Variants in RAG1 observed in about 807,000 individuals in gnomAD.
RAG1 encodes the protein recombination activating 1.
A neutral mutation model predicts 62.7 loss-of-function variants in RAG1; 35 were observed. The ratio of observed to expected loss-of-function variants is 0.56; its 90% CI spans 0.43 to 0.74. The LOEUF (loss-of-function observed/expected upper bound fraction) is 0.74, where lower values mean the gene tolerates loss of function less well. Among genes scored for constraint, RAG1 ranks in the 30% least tolerant of loss-of-function variants. The pLI, the probability that RAG1 is intolerant of heterozygous loss-of-function variation, is 0.00. For missense variants in RAG1, 1,169 were observed against 1,278.6 expected (o/e 0.91, Z 1.31); for synonymous variants, 461 against 470.3 (o/e 0.98, Z 0.26).
At chr11:36,540,979 A>G (rs1860408131), downstream of RAG1, among the ~76,000 whole-genome samples, 1 of 152,188 alleles carries the variant, frequency 6.6e-6, no homozygotes, top group South Asian at 2.1e-4. Context: ...AGGTGTGAGA[A>G]AAGAGGGATT....
chr11:36,510,617 C>T (rs777654552), upstream of RAG1: 1 of 152,268 alleles, frequency 6.6e-6, no homozygotes, highest in Admixed American at 6.5e-5. Flanking sequence ...CCCAGCTGGG[C>T]TAGATCGCTT....
rs5030491 is a variant in RAG1, at chr11:36,511,382, C to T, written n.330+344C>T. 9.4e-3 allele frequency among the ~76,000 whole-genome samples: 1,424 copies of T among 152,242 alleles called. 16 individuals are homozygous for T. Among genetic ancestry groups the T allele is most frequent in the Non-Finnish European group, 0.014 (920 of 68,000 alleles). ...GGTGGGAGGATGGCTTGAGCCCTGG[C>T]AGTCAAGGCTACAGTAAGCCATGAT... On this transcript the variant is annotated intron_variant and non_coding_transcript_variant, in intron 1 of 2. Coordinates refer to the RAG1 transcript ENST00000529126.
rs746944981 is a variant in RAG1 at position 36,574,550 on chromosome 11, C to T, written c.1246C>T (p.Leu416=). 2 of 1,614,260 alleles carry T rather than the reference C, an allele frequency of 1.2e-6. No individual in the cohort carries two copies. The highest frequency in any genetic ancestry group is 8.5e-7 in the Non-Finnish European group (1 of 1,180,060). Residue 416 remains leucine, a synonymous_variant, in exon 2 of 2, where the codon CTG becomes TTG. Transcript: ENST00000299440. ...GAAGCACCGGCTGAGGGAGCTCAAG[C>T]TGCAAGTCAAAGCCTTTGCTGACAA... ...AQKHRLRELK[L]QVKAFADKEE... is the part of the protein sequence containing the mutation.
rs1422366315 is a variant in RAG1 at position 36,575,760 on chromosome 11, A to T, written c.2456A>T (p.Tyr819Phe). 1.9e-5 allele frequency: 31 copies of T among 1,614,240 alleles called. No individual in the cohort carries two copies. The highest frequency in any genetic ancestry group is 2.5e-5 in the Non-Finnish European group (30 of 1,180,042). Reference protein sequence around the residue: ...KIFQLEIGEVYKNPNASKEER... With the variant: ...KIFQLEIGEVFKNPNASKEER... ...TTCCAGCTAGAGATAGGGGAAGTGT[A>T]TAAGAATCCCAATGCTTCCAAAGAG... Residue 819 changes from tyrosine (Y) to phenylalanine (F), a missense_variant, in exon 2 of 2, where the codon TAT becomes TTT. Transcript: ENST00000299440. The surrounding 1 kb of genome is among the most constrained non-coding windows in gnomAD (Gnocchi z 4.1).
intron 3 of RAG1, among the ~76,000 whole-genome samples, chr11:36,548,710 T>C (rs1850435705): frequency 2.0e-5 from 3 of 152,264 alleles, no homozygotes; most frequent in African/African-American, 4.8e-5. Flanking sequence ...AAATAATTTA[T>C]AGATTCAATG....
At chr11:36,559,427 AG>A (rs1218018465) in intron 3 of RAG1, among the ~76,000 whole-genome samples, 1 of 152,208 alleles carries the variant, frequency 6.6e-6, no homozygotes, top group Non-Finnish European at 1.5e-5. Flanking sequence ...AGACTTGAAA[AG>A]TTTCCAGCTA....
chr11:36,524,257 G>A (rs985664430), intron 2 of RAG1, among the ~76,000 whole-genome samples: 3 of 151,354 alleles, frequency 2.0e-5, no homozygotes, highest in Non-Finnish European at 4.4e-5. Context: ...GAGTTAATGG[G>A]TGCAGCACAC....
intron 1 of RAG1, among the ~76,000 whole-genome samples, chr11:36,569,378 A>G (rs527898840): frequency 6.6e-6 from 1 of 152,342 alleles, no homozygotes; most frequent in South Asian, 2.1e-4. Context: ...TCTACTGCTG[A>G]GACCTTTTGT....
rs755263117 is a variant in RAG1 at position 36,573,355 on chromosome 11, A to T, written c.51A>T (p.Glu17Asp). The T allele has an allele frequency of 6.2e-7, 1 of 1,614,164 alleles. No individual in the cohort carries two copies. Among genetic ancestry groups the T allele is most frequent in the Non-Finnish European group, 8.5e-7 (1 of 1,180,028 alleles). Residue 17 changes from glutamate to aspartate, a missense_variant, in exon 2 of 2, where the codon GAA (glutamate) becomes GAT (aspartate). Physicochemically the swap from Glu to Asp is conservative, Grantham distance 45 (BLOSUM62 2). Around this residue, in one of 2 missense-constraint regions of RAG1, gnomAD observed 369 missense variants for 335.3 expected, o/e 1.10. Transcript: ENST00000299440. ...PTLGLSSAPD[E>D]IQHPHIKFSE... ...TGGGACTCAGTTCTGCCCCAGATGA[A>T]ATTCAGCACCCACATATTAAATTTT...
upstream of RAG1, among the ~76,000 whole-genome samples, chr11:36,564,607 A>C (rs987194804): frequency 1.3e-5 from 2 of 152,232 alleles, no homozygotes; most frequent in Non-Finnish European, 2.9e-5. Flanking sequence ...AGCCCGCAGC[A>C]GATCTCCTGA....
rs764709729 is a variant in RAG1, at chr11:36,574,632, G to A, written c.1328G>A (p.Arg443Lys). The stretch of plus-strand genomic sequence containing the variant: ...ATGACCTTGTTCCTGCTGGCTCTGA[G>A]GGCGAGGAATGAGCACAGGCAAGCT... ...VCMTLFLLAL[R>K]ARNEHRQADE... Residue 443 changes from arginine to lysine, a missense_variant, in exon 2 of 2, where the codon AGG (arginine) becomes AAG (lysine). Around this residue, in one of 2 missense-constraint regions of RAG1, gnomAD observed 800 missense variants for 943.3 expected, o/e 0.85. Coordinates refer to ENST00000299440, the MANE Select transcript of RAG1 (RefSeq NM_000448.3). 6.2e-7 allele frequency: 1 copy of A among 1,614,222 alleles called. No homozygotes were observed. Among genetic ancestry groups the A allele is most frequent in the Non-Finnish European group, 8.5e-7 (1 of 1,180,042 alleles).
chr11:36,563,960 C>T (rs145584687), upstream of RAG1, among the ~76,000 whole-genome samples: 262 of 152,262 alleles, frequency 1.7e-3, 1 homozygote, highest in Middle Eastern at 3.4e-3. Flanking sequence ...GGTCATGTTC[C>T]TCCTATGTCA....
chr11:36,529,976 T>C (rs572631397), intron 2 of RAG1, among the ~76,000 whole-genome samples: 1 of 152,218 alleles, frequency 6.6e-6, no homozygotes, highest in Non-Finnish European at 1.5e-5. Flanking sequence ...TAAAGTTCTT[T>C]AAAATTACAA....
At chr11:36,551,463 T>A (rs1850480898) in intron 3 of RAG1, among the ~76,000 whole-genome samples, 1 of 152,104 alleles carries the variant, frequency 6.6e-6, no homozygotes, top group Admixed American at 6.6e-5. Flanking sequence ...TCTCCTTGGC[T>A]TGTAGATGGT....
At chr11:36,561,057 T>C (rs911052904) in intron 3 of RAG1, among the ~76,000 whole-genome samples, 1 of 152,188 alleles carries the variant, frequency 6.6e-6, no homozygotes, top group Non-Finnish European at 1.5e-5. Context: ...AATTATACTG[T>C]CTCCATCCTG....
Position 36,534,157 on chromosome 11 carries a change from G to A in RAG1, n.429-1802G>A, listed in dbSNP as rs548741269. ...TTCCATAATTGCTCTCTTCAGACAG[G>A]CTACTTCTTAAGCAATTTAAATTAT... On this transcript the variant is annotated intron_variant and non_coding_transcript_variant, in intron 2 of 2. Coordinates refer to the RAG1 transcript ENST00000529126. 1.6e-4 allele frequency among the ~76,000 whole-genome samples: 24 copies of A among 151,802 alleles called. No homozygotes were observed. The South Asian group carries it at 4.8e-3, about 30-fold the overall frequency.
intron 1 of RAG1, among the ~76,000 whole-genome samples, chr11:36,571,163 T>C (rs528388631): frequency 6.6e-6 from 1 of 152,292 alleles, no homozygotes; most frequent in South Asian, 2.1e-4. Context: ...GAGATAGTTC[T>C]AAGGATCCTA....
At chr11:36,531,308 A>T (rs1237337474) in intron 2 of RAG1, among the ~76,000 whole-genome samples, 1 of 151,884 alleles carries the variant, frequency 6.6e-6, no homozygotes, top group African/African-American at 2.4e-5. Flanking sequence ...TAATTGGTAT[A>T]TTAAGGCCAT....
chr11:36,557,630 C>T (rs1006003480), intron 3 of RAG1, among the ~76,000 whole-genome samples: 1 of 152,150 alleles, frequency 6.6e-6, no homozygotes, highest in South Asian at 2.1e-4. Context: ...CATCTTGGCT[C>T]CTCCTCAACT....
Sources: allele counts gnomAD v4.1 joint callset (sites outside exome capture counted in the v4.1 genomes callset), GRCh38; gene constraint gnomAD v4.1.1; regional missense constraint gnomAD v4.1.1; non-coding constraint Gnocchi (gnomAD v3.1); transcripts MANE v1.5; gene names NCBI Gene and HGNC (gene_info 2026-07-23, HGNC 2026-07-21).